Variants in CRACD observed in about 807,000 individuals in gnomAD.
The protein encoded by CRACD is capping protein-inhibiting regulator of actin dynamics.
Under a neutral mutation model 106.8 loss-of-function variants are expected in CRACD, and 56 were observed. That is an observed-to-expected ratio of 0.52 (90% CI 0.42 to 0.66). CRACD has a LOEUF of 0.66. Ranked by LOEUF, CRACD falls within the 30% of genes least tolerant of loss-of-function variation. CRACD has a pLI of 0.00. For synonymous variants in CRACD, 754 were observed against 670.8 expected (o/e 1.12, Z -1.92); for missense variants, 1,730 against 1,623.2 (o/e 1.07, Z -1.13).
chr4:56,295,660 CATATATATATATATATATATATATATAT>C (rs57635563), intron 3 of CRACD, among the ~76,000 whole-genome samples: 1,420 of 109,124 alleles, frequency 0.013, 46 homozygotes, highest in African/African-American at 0.044. Context: ...AATTAGTAAA[CATATATATATATATATATATATATATAT>C]ATATATATAT....
intron 1 of CRACD, among the ~76,000 whole-genome samples, chr4:56,112,929 A>G (rs1734166995): frequency 6.6e-6 from 1 of 152,108 alleles, no homozygotes; most frequent in South Asian, 2.1e-4. Flanking sequence ...ATTAGGCTCC[A>G]TTAATTTTTG....
chr4:56,218,465 G>GCCTTTCCTTCCCCTC (rs769476372), intron 2 of CRACD, among the ~76,000 whole-genome samples: 13 of 65,820 alleles, frequency 2.0e-4, no homozygotes, highest in Admixed American at 5.8e-4. Context: ...TCCTTCCCCT[G>GCCTTTCCTTCCCCTC]CCTTTCCTTC....
intron 1 of CRACD, among the ~76,000 whole-genome samples, chr4:56,106,373 A>T (rs917454581): frequency 6.6e-6 from 1 of 152,208 alleles, no homozygotes; most frequent in Non-Finnish European, 1.5e-5. Flanking sequence ...TCCAGTGTTG[A>T]TCCTACGCTA....
In CRACD at chr4:56,314,380, G is replaced by A. The variant is rs145781098; in HGVS notation, c.878G>A (p.Arg293Gln). 8.9e-4 allele frequency: 1,370 copies of A among 1,545,868 alleles called. 13 individuals carry two copies. The African/African-American group carries it at 0.015, about 17-fold the overall frequency. Residue 293 changes from arginine (R) to glutamine (Q), a missense_variant, in exon 8 of 11, where the codon CGG becomes CAG. Arg to Gln is a conservative substitution (Grantham distance 43). Around this residue, in one of 5 missense-constraint regions of CRACD, gnomAD observed 1,620 missense variants for 1,481.6 expected, o/e 1.09. Transcript: ENST00000682029. The surrounding 1 kb of genome is among the most constrained non-coding windows in gnomAD (Gnocchi z 4.4). ...AGGGCGCCGCGGGAAGAGCAGCAGC[G>A]GAGCCTGGAAGCGCCAGGTTGGGAG... ...AERAPREEQQ[R>Q]SLEAPGWEDA... is the part of the protein sequence containing the mutation.
intron 1 of CRACD, among the ~76,000 whole-genome samples, chr4:56,054,628 G>T (rs1025114065): frequency 6.6e-6 from 1 of 152,178 alleles, no homozygotes; most frequent in Admixed American, 6.5e-5. Flanking sequence ...AGAAGTACCA[G>T]ATTATAAACT....
chr4:56,257,527 A>G (rs1404803864), intron 2 of CRACD, among the ~76,000 whole-genome samples: 2 of 24,846 alleles, frequency 8.0e-5, no homozygotes, highest in African/African-American at 3.4e-4. Flanking sequence ...GTCTCTACAG[A>G]AAAAAAAAAA....
At chr4:56,307,426 T>C (rs996572803) in intron 4 of CRACD, 109 bp from the exon 5 acceptor site, 4 of 968,560 alleles carry the variant, frequency 4.1e-6, no homozygotes, top group East Asian at 2.5e-5. Flanking sequence ...TAGAAATCAG[T>C]TGTGCACAAG....
chr4:56,321,795 A>G lies in CRACD; in HGVS notation c.3188-1582A>G, dbSNP rs976688034. Among the ~76,000 whole-genome samples the G allele has an allele frequency of 1.3e-4, 20 of 152,352 alleles. No individual in the cohort carries two copies. In the South Asian group the frequency reaches 1.4e-3, roughly 11 times the overall value. On this transcript the variant is annotated intron_variant, in intron 8 of 10. Transcript: ENST00000682029. ...TCTGTTAGATCATAACTGAATCGTT[A>G]TTTGATGATTTAGGGATATTGCAGT...
At chr4:56,150,064 G>T (rs926277066) in intron 1 of CRACD, among the ~76,000 whole-genome samples, 1 of 152,126 alleles carries the variant, frequency 6.6e-6, no homozygotes, top group Non-Finnish European at 1.5e-5. Flanking sequence ...AACTTACAGA[G>T]AAAACCCTCA....
chr4:56,084,747 T>C (rs1282081105), intron 1 of CRACD, among the ~76,000 whole-genome samples: 4 of 152,190 alleles, frequency 2.6e-5, no homozygotes, highest in Non-Finnish European at 4.4e-5. Context: ...TTGTTTGTTT[T>C]AATGAATGAT....
chr4:56,143,003 T>G (rs1024468828), intron 1 of CRACD, among the ~76,000 whole-genome samples: 4 of 151,872 alleles, frequency 2.6e-5, no homozygotes, highest in African/African-American at 7.2e-5. Context: ...CTTTCAAATT[T>G]TTTTTTTTTA....
At chr4:56,108,501 C>A (rs1015342121) in intron 1 of CRACD, among the ~76,000 whole-genome samples, 1 of 152,056 alleles carries the variant, frequency 6.6e-6, no homozygotes, top group Non-Finnish European at 1.5e-5. Context: ...TCCCCGTGTG[C>A]GGAGACGAGA....
Position 56,122,397 on chromosome 4 carries a change from C to T in CRACD, c.-335-56887C>T, listed in dbSNP as rs139341061. Among the ~76,000 whole-genome samples the T allele has an allele frequency of 3.4e-3, 511 of 151,288 alleles. 6 individuals are homozygous for T. Among genetic ancestry groups the T allele is most frequent in the African/African-American group, 0.012 (483 of 41,242 alleles). ...AGGGGAAAAAGAAGCAAAAAATTTG[C>T]AAAAATTAAAACCTCCAAATTCTCT... On this transcript the variant is annotated intron_variant, in intron 1 of 10. Coordinates refer to ENST00000682029, the MANE Select transcript of CRACD (RefSeq NM_001393381.1).
intron 2 of CRACD, among the ~76,000 whole-genome samples, chr4:56,229,967 A>G (rs1176089284): frequency 1.3e-5 from 2 of 152,374 alleles, no homozygotes; most frequent in South Asian, 2.1e-4. Flanking sequence ...ACTGCTTAGA[A>G]TTAAATATTG....
At chr4:56,073,841 A>G (rs1484753081) in intron 1 of CRACD, among the ~76,000 whole-genome samples, 1 of 152,150 alleles carries the variant, frequency 6.6e-6, no homozygotes, top group Non-Finnish European at 1.5e-5. Flanking sequence ...TTTAGGTCTT[A>G]ATGTTTAAAT....
At chr4:56,306,468 G>T (rs1210590765) in intron 4 of CRACD, among the ~76,000 whole-genome samples, 4 of 151,962 alleles carry the variant, frequency 2.6e-5, no homozygotes, top group African/African-American at 9.7e-5. Flanking sequence ...AGCCAAAATT[G>T]GGCCACTGCA....
At chr4:56,246,274 T>A (rs1042915661) in intron 2 of CRACD, among the ~76,000 whole-genome samples, 1 of 152,200 alleles carries the variant, frequency 6.6e-6, no homozygotes, top group African/African-American at 2.4e-5. Flanking sequence ...CCCTCCTTTT[T>A]AATTGATATC....
At chr4:56,080,030 C>A (rs1409113217) in intron 1 of CRACD, among the ~76,000 whole-genome samples, 1 of 152,022 alleles carries the variant, frequency 6.6e-6, no homozygotes, top group East Asian at 1.9e-4. Context: ...TTTTAGAATA[C>A]CTTTCAGAAC....
intron 1 of CRACD, among the ~76,000 whole-genome samples, chr4:56,090,909 T>C (rs1225927601): frequency 1.3e-5 from 2 of 152,176 alleles, no homozygotes; most frequent in African/African-American, 4.8e-5. Context: ...TCTGGCAGTG[T>C]TTGGGTTTTT....
Sources: gnomAD v4.1 joint callset for allele counts (sites outside exome capture counted in the v4.1 genomes callset) on GRCh38, gnomAD v4.1.1 for gene constraint, gnomAD v4.1.1 regional missense constraint, Gnocchi (gnomAD v3.1) non-coding constraint, MANE v1.5 for transcripts, NCBI Gene and HGNC (gene_info 2026-07-23, HGNC 2026-07-21) for gene names.